Variants in ZNF799 observed in about 807,000 individuals in gnomAD.
ZNF799 encodes zinc finger protein 799, also known as zinc finger protein 14.
A neutral mutation model predicts 41.0 loss-of-function variants in ZNF799; 28 were observed. The observed-to-expected ratio is 0.68, with a 90% CI of 0.51 to 0.94. The LOEUF (loss-of-function observed/expected upper bound fraction) is 0.94. ZNF799 is among the 40% of genes least tolerant of loss of function. ZNF799 has a pLI of 0.00. For missense variants in ZNF799, 716 were observed against 764.3 expected (o/e 0.94, Z 0.74); for synonymous variants, 213 against 252.9 (o/e 0.84, Z 1.50).
rs1969801057 is a variant in ZNF799 at position 12,390,913 on chromosome 19, T to C, written c.1485A>G (p.Arg495=). The part of the protein sequence containing the change: ...FSCFQYLSQH[R]RTHTGEKPYE... ...AAGGTTTCTCTCCTGTGTGAGTCCTTCTATGTTGAGAAAGGTATTGGAAAC... is the reference window on the plus strand; with the variant it reads ...AAGGTTTCTCTCCTGTGTGAGTCCTCCTATGTTGAGAAAGGTATTGGAAAC... Residue 495 remains arginine, a synonymous_variant, in exon 4 of 4, where the codon AGA becomes AGG. Transcript: ENST00000430385. 1.2e-6 allele frequency: 2 copies of C among 1,613,944 alleles called. No homozygotes were observed. The highest frequency in any genetic ancestry group is 8.5e-7 in the Non-Finnish European group (1 of 1,179,980).
At chr19:12,399,068 C>T (rs1424280032) in intron 1 of ZNF799, among the ~76,000 whole-genome samples, 1 of 152,170 alleles carries the variant, frequency 6.6e-6, no homozygotes, top group African/African-American at 2.4e-5. Context: ...AATCTCTAAT[C>T]ATAGGATGTA....
At chr19:12,393,046 CG>C (rs1186931722) in intron 2 of ZNF799, among the ~76,000 whole-genome samples, 1 of 147,346 alleles carries the variant, frequency 6.8e-6, no homozygotes, top group Non-Finnish European at 1.5e-5. Context: ...TGTAATAATA[CG>C]ACATAAAATA....
At chr19:12,409,590 A>T in the ZNF799 span, among the ~76,000 whole-genome samples, 1 of 152,232 alleles carries the variant, frequency 6.6e-6, no homozygotes, top group Non-Finnish European at 1.5e-5. Context: ...TCAACACCAG[A>T]GTACACATTC....
At chr19:12,394,826 C>G (rs757427774) in intron 1 of ZNF799, 5 of 985,060 alleles carry the variant, frequency 5.1e-6, no homozygotes, top group East Asian at 1.1e-4. Flanking sequence ...ATGCTGAAAG[C>G]CTTCTCACCA....
rs1238520227 is a variant in ZNF799 at position 12,391,744 on chromosome 19, C to A, written c.654G>T (p.Thr218=). ...WPSLLHMHER[T]HTGEKPYECK... ...ATTCATATGGTTTCTCTCCAGTGTG[C>A]GTTCTCTCATGCATATGTAATAAAC... The change falls in exon 4 of 4, where the codon ACG becomes ACT. Residue 218 remains threonine (T), a synonymous_variant. Coordinates refer to ENST00000430385, the MANE Select transcript of ZNF799 (RefSeq NM_001080821.3). The A allele has an allele frequency of 1.2e-6, 2 of 1,613,968 alleles. No individual in the cohort carries two copies. The highest frequency in any genetic ancestry group is 1.7e-5 in the Admixed American group (1 of 60,000).
Position 12,390,210 on chromosome 19 carries a change from G to C in ZNF799, c.*256C>G, listed in dbSNP as rs185267882. On this transcript the variant is annotated 3_prime_UTR_variant, in exon 4 of 4. Coordinates refer to ENST00000430385, the MANE Select transcript of ZNF799 (RefSeq NM_001080821.3). ...TTAAGTAATCTAGACATAATTGAGA[G>C]TATACAAGAGGATGTGGGTAAGTTA... 284 of 640,138 alleles carry C rather than the reference G, an allele frequency of 4.4e-4. No homozygotes were observed. Among genetic ancestry groups the C allele is most frequent in the African/African-American group, 1.4e-3 (79 of 54,534 alleles). 39.7% of individuals were successfully genotyped at this position (640,138 alleles called of 1,614,324 possible). A position where few individuals can be genotyped will look rare whatever the true frequency, so the allele number is the denominator to read the frequency against.
At chr19:12,394,862 A>C (rs1969872320) in intron 1 of ZNF799, 1 of 985,304 alleles carries the variant, frequency 1.0e-6, no homozygotes, top group Admixed American at 6.1e-5. Flanking sequence ...CCAAAAACAA[A>C]TAAAGGATTT....
chr19:12,407,561 T>A, the ZNF799 span, among the ~76,000 whole-genome samples: 2 of 151,414 alleles, frequency 1.3e-5, no homozygotes, highest in African/African-American at 4.9e-5. Flanking sequence ...AACATACATA[T>A]GCAAACTACA....
At chr19:12,401,317 G>A, upstream of ZNF799, 1 of 1,207,354 alleles carries the variant, frequency 8.3e-7, no homozygotes, top group Non-Finnish European at 1.1e-6. Context: ...TACGGCGTCA[G>A]GTGCCGCCCC....
upstream of ZNF799, among the ~76,000 whole-genome samples, chr19:12,403,554 CTTT>C (rs779716536): frequency 6.9e-6 from 1 of 144,310 alleles, no homozygotes; most frequent in Non-Finnish European, 1.5e-5. Flanking sequence ...TCTTCTTCTT[CTTT>C]TTTTTTTTGA....
the ZNF799 span, among the ~76,000 whole-genome samples, chr19:12,406,683 G>C: frequency 6.6e-6 from 1 of 152,070 alleles, no homozygotes; most frequent in South Asian, 2.1e-4. Context: ...GGCGAATCAC[G>C]AGGTCAGGAG....
rs1220630414 is a variant in ZNF799 at position 12,390,629 on chromosome 19, C to T, written c.1769G>A (p.Cys590Tyr). The T allele has an allele frequency of 2.2e-5, 35 of 1,613,726 alleles. No individual in the cohort carries two copies. The highest frequency in any genetic ancestry group is 2.7e-5 in the Non-Finnish European group (32 of 1,179,864). Residue 590 changes from cysteine to tyrosine, a missense_variant, in exon 4 of 4, where the codon TGT becomes TAT. By Grantham distance (194) the Cys-to-Tyr change is radical (BLOSUM62 -2). Around this residue, in one of 2 missense-constraint regions of ZNF799, gnomAD observed 698 missense variants for 713.6 expected, o/e 0.98. Transcript: ENST00000430385. ...AGCAAATGCTTTCCCACATTCCTTA[C>T]ATTCATACGGGTTCTCTCCAGTATG... Reference protein sequence around the residue: ...KTHTGENPYECKECGKAFASL... With the variant: ...KTHTGENPYEYKECGKAFASL...
intron 1 of ZNF799, chr19:12,394,897 A>T: frequency 1.0e-6 from 1 of 981,624 alleles, no homozygotes; most frequent in Non-Finnish European, 1.2e-6. Context: ...TACTATTAAC[A>T]GAGAGATAAA....
At chr19:12,408,186 A>G in the ZNF799 span, among the ~76,000 whole-genome samples, 1 of 152,140 alleles carries the variant, frequency 6.6e-6, no homozygotes, top group Non-Finnish European at 1.5e-5. Context: ...AAAAGAAAAG[A>G]AAAGAAAATG....
chr19:12,401,249 T>A lies in ZNF799; in HGVS notation c.-179A>T. 7.1e-7 allele frequency: 1 copy of A among 1,410,622 alleles called. No individual in the cohort carries two copies. The highest frequency in any genetic ancestry group is 9.4e-7 in the Non-Finnish European group (1 of 1,067,442). The allele number at this position is 1,410,622 out of a possible 1,614,324, so 87.4% of individuals were successfully genotyped here. A position where few individuals can be genotyped will look rare whatever the true frequency, so the allele number is the denominator to read the frequency against. On this transcript the variant is annotated 5_prime_UTR_variant, in exon 1 of 4. Transcript: ENST00000430385. ...GCGGGCTTTTTCAACCACACACTCC[T>A]CTGGGAAGCGCGCCTGATTGACAGT...
At chr19:12,409,294 G>A in the ZNF799 span, among the ~76,000 whole-genome samples, 2 of 152,170 alleles carry the variant, frequency 1.3e-5, no homozygotes, top group African/African-American at 4.8e-5. Flanking sequence ...TGTGCAGGCG[G>A]TAATGCTTAC....
Position 12,390,662 on chromosome 19 carries a change from T to C in ZNF799, c.1736A>G (p.Glu579Gly), listed in dbSNP as rs1434483454. The change falls in exon 4 of 4, where the codon GAA becomes GGA. Residue 579 changes from glutamate (E) to glycine (G), a missense_variant. This residue lies in a region of ZNF799 where 698 missense variants were observed against 713.6 expected (regional missense o/e 0.98). Transcript: ENST00000430385. Reference sequence around the variant, plus strand: ...CGGGTTCTCTCCAGTATGAGTTTTTTCATGTCCTTGAAGAAAACGGGAATG... The same window carrying C: ...CGGGTTCTCTCCAGTATGAGTTTTTCCATGTCCTTGAAGAAAACGGGAATG... ...FTHSRFLQGH[E>G]KTHTGENPYE... 5 of 1,613,886 alleles carry C rather than the reference T, an allele frequency of 3.1e-6. No individual in the cohort carries two copies. The highest frequency in any genetic ancestry group is 3.4e-6 in the Non-Finnish European group (4 of 1,179,802).
chr19:12,413,028 T>C, the ZNF799 span, among the ~76,000 whole-genome samples: 3 of 116,904 alleles, frequency 2.6e-5, no homozygotes, highest in Admixed American at 1.2e-4. Flanking sequence ...GCATGGGCCA[T>C]AGAGCAAGAC....
chr19:12,406,339 C>A, the ZNF799 span, among the ~76,000 whole-genome samples: 1 of 149,304 alleles, frequency 6.7e-6, no homozygotes, highest in Non-Finnish European at 1.5e-5. Context: ...AAAAAAATAG[C>A]CGGGCATGGT....
Sources: allele counts gnomAD v4.1 joint callset (sites outside exome capture counted in the v4.1 genomes callset), GRCh38; gene constraint gnomAD v4.1.1; regional missense constraint gnomAD v4.1.1; transcripts MANE v1.5; gene names NCBI Gene and HGNC (gene_info 2026-07-23, HGNC 2026-07-21).